Variants in TDRP observed in about 807,000 individuals in gnomAD.
TDRP encodes testis development related protein.
In TDRP, 12 loss-of-function variants were observed where a neutral mutation model predicts 10.5. The ratio of observed to expected loss-of-function variants is 1.15; its 90% CI spans 0.73 to 1.86. The LOEUF (loss-of-function observed/expected upper bound fraction) is 1.86, where lower values mean the gene tolerates loss of function less well. Among genes scored for constraint, TDRP ranks in the 40% most tolerant of loss-of-function variants. TDRP has a pLI of 0.00. For missense variants in TDRP, 353 were observed against 229.2 expected (o/e 1.54, Z -3.49); for synonymous variants, 139 against 95.4 (o/e 1.46, Z -2.67).
intron 1 of TDRP, among the ~76,000 whole-genome samples, chr8:506,649 A>C (rs1452518077): frequency 6.6e-6 from 1 of 152,158 alleles, no homozygotes; most frequent in African/African-American, 2.4e-5. Flanking sequence ...CCACTACGGC[A>C]AATGCTCAGT....
At position 490,600 on chromosome 8, in the gene TDRP, A is replaced by T. The variant is rs1242642275; in HGVS notation, c.*1799T>A. The T allele has an allele frequency of 6.6e-6, 1 of 152,254 alleles. No individual in the cohort carries two copies. Among genetic ancestry groups the T allele is most frequent in the Non-Finnish European group, 1.5e-5 (1 of 68,042 alleles). 9.4% of individuals were successfully genotyped at this position (152,254 alleles called of 1,614,324 possible). A position where few individuals can be genotyped will look rare whatever the true frequency, so the allele number is the denominator to read the frequency against. On this transcript the variant is annotated 3_prime_UTR_variant, in exon 3 of 3. Transcript: ENST00000324079. ...ACAAACCTACACTGACTTCCGCTGG[A>T]AAGTATTTGCAGAAGTCATGAAATG...
chr8:500,931 G>A (rs112095349), intron 1 of TDRP, among the ~76,000 whole-genome samples: 1 of 152,356 alleles, frequency 6.6e-6, no homozygotes, highest in East Asian at 1.9e-4. Context: ...AGCAGGCCGG[G>A]CGCGGTGTCT....
chr8:496,923 A>T (rs140744302), intron 1 of TDRP, among the ~76,000 whole-genome samples: 7 of 152,220 alleles, frequency 4.6e-5, no homozygotes, highest in Admixed American at 3.9e-4. Flanking sequence ...TTGCTGCCAC[A>T]TAAGATGTGC....
chr8:508,454 A>T (rs1801525334), intron 1 of TDRP, among the ~76,000 whole-genome samples: 1 of 152,232 alleles, frequency 6.6e-6, no homozygotes, highest in South Asian at 2.1e-4. Flanking sequence ...GGAAGGCAAA[A>T]GGCAAAGGCA....
At chr8:513,474 C>T (rs980917218) in intron 1 of TDRP, among the ~76,000 whole-genome samples, 7 of 152,082 alleles carry the variant, frequency 4.6e-5, no homozygotes, top group Non-Finnish European at 1.0e-4. Flanking sequence ...TAAAAACATT[C>T]AACAAAGTAG....
chr8:514,466 A>T (rs1052314984), intron 1 of TDRP, among the ~76,000 whole-genome samples: 1 of 152,140 alleles, frequency 6.6e-6, no homozygotes, highest in Admixed American at 6.6e-5. Context: ...CACCCACACA[A>T]CCACAAAACT....
At chr8:535,112 A>G (rs2116865879) in intron 1 of TDRP, among the ~76,000 whole-genome samples, 1 of 152,340 alleles carries the variant, frequency 6.6e-6, no homozygotes, top group South Asian at 2.1e-4. Flanking sequence ...CTTCCATCTG[A>G]AAGATTAGAA....
chr8:516,099 T>C (rs1036884367), intron 1 of TDRP, among the ~76,000 whole-genome samples: 2 of 152,086 alleles, frequency 1.3e-5, no homozygotes, highest in Non-Finnish European at 2.9e-5. Context: ...TGGCTGAACA[T>C]TAAAAAAATA....
At position 490,394 on chromosome 8, in the gene TDRP, T is replaced by C. The variant is rs188239159; in HGVS notation, c.*2005A>G. ...CTATTTTGCCAACTGTGCGTCACAA[T>C]TCTATGATTGACGTGAGTTGCAGGC... On this transcript the variant is annotated 3_prime_UTR_variant, in exon 3 of 3. Coordinates refer to ENST00000324079, the MANE Select transcript of TDRP (RefSeq NM_001384899.1). 6.6e-6 allele frequency: 1 copy of C among 152,318 alleles called. No homozygotes were observed. Among genetic ancestry groups the C allele is most frequent in the East Asian group, 1.9e-4 (1 of 5,186 alleles). The allele number at this position is 152,318 out of a possible 1,614,324, so 9.4% of individuals were successfully genotyped here. A position where few individuals can be genotyped will look rare whatever the true frequency, so the allele number is the denominator to read the frequency against.
intron 1 of TDRP, among the ~76,000 whole-genome samples, chr8:520,108 G>A (rs1334228869): frequency 6.6e-6 from 1 of 152,212 alleles, no homozygotes; most frequent in Non-Finnish European, 1.5e-5. Context: ...TGGTTGGGGA[G>A]AAAAGTGGAA....
chr8:515,035 A>C (rs1369503125), intron 1 of TDRP, among the ~76,000 whole-genome samples: 1 of 152,206 alleles, frequency 6.6e-6, no homozygotes, highest in Non-Finnish European at 1.5e-5. Context: ...ATATTCCATC[A>C]ATACTGGAGA....
intron 2 of TDRP, 144 bp downstream of exon 2, chr8:494,350 G>C: frequency 1.5e-6 from 1 of 670,276 alleles, no homozygotes; most frequent in Non-Finnish European, 2.6e-6. Flanking sequence ...GGGACAGACG[G>C]AGTGGGGAGG....
intron 1 of TDRP, among the ~76,000 whole-genome samples, chr8:539,819 T>C (rs1220093719): frequency 1.3e-5 from 2 of 152,198 alleles, no homozygotes; most frequent in Non-Finnish European, 2.9e-5. Flanking sequence ...CACAGTGTCA[T>C]AAAAGTGTGA....
chr8:491,550 A>G lies in TDRP; in HGVS notation c.*849T>C. The G allele has an allele frequency of 7.0e-7, 1 of 1,432,696 alleles. No individual in the cohort carries two copies. The allele number at this position is 1,432,696 out of a possible 1,614,324, so 88.7% of individuals were successfully genotyped here. A position where few individuals can be genotyped will look rare whatever the true frequency, so the allele number is the denominator to read the frequency against. On this transcript the variant is annotated 3_prime_UTR_variant, in exon 3 of 3. Coordinates refer to ENST00000324079, the MANE Select transcript of TDRP (RefSeq NM_001384899.1). Reference sequence around the variant, plus strand: ...CTCGCTTTGCAAGAACAAACATATGAGCCTAATAAAAAAGAGGCACTTCAG... The same window carrying G: ...CTCGCTTTGCAAGAACAAACATATGGGCCTAATAAAAAAGAGGCACTTCAG...
At chr8:544,589 C>T (rs1384197101) in intron 1 of TDRP, 61 bp downstream of exon 1, 2 of 1,134,206 alleles carry the variant, frequency 1.8e-6, no homozygotes, top group East Asian at 6.5e-5. Context: ...CGCCGCCCAC[C>T]CTCGCCCTCC....
Position 491,822 on chromosome 8 carries a change from T to A in TDRP, c.*577A>T. ...TTCCTCCCTCAGCAAAAGATGAACA[T>A]GCATTTTAAGATACATTTTACTCCC... On this transcript the variant is annotated 3_prime_UTR_variant, in exon 3 of 3. Coordinates refer to ENST00000324079, the MANE Select transcript of TDRP (RefSeq NM_001384899.1). 8.0e-7 allele frequency: 1 copy of A among 1,246,344 alleles called. No homozygotes were observed. The highest frequency in any genetic ancestry group is 1.0e-6 in the Non-Finnish European group (1 of 995,842). 77.2% of individuals were successfully genotyped at this position (1,246,344 alleles called of 1,614,324 possible).
chr8:511,905 T>A (rs78496184), intron 1 of TDRP, among the ~76,000 whole-genome samples: 4,766 of 152,124 alleles, frequency 0.031, 270 homozygotes, highest in African/African-American at 0.11. Flanking sequence ...AACATGGGAT[T>A]CAGTTAAAGC....
chr8:492,310 A>C lies in TDRP; in HGVS notation c.*89T>G. 1 of 1,379,812 alleles carries C rather than the reference A, an allele frequency of 7.2e-7. No individual in the cohort carries two copies. Among genetic ancestry groups the C allele is most frequent in the Non-Finnish European group, 9.4e-7 (1 of 1,063,766 alleles). The allele number at this position is 1,379,812 out of a possible 1,614,324, so 85.5% of individuals were successfully genotyped here. A position where few individuals can be genotyped will look rare whatever the true frequency, so the allele number is the denominator to read the frequency against. On this transcript the variant is annotated 3_prime_UTR_variant, in exon 3 of 3. Transcript: ENST00000324079. Reference sequence around the variant, plus strand: ...AATATAGGCAAAAAGTAGACTCTCTATTCTTTCTAACGCGGAAAAGACTCA... The same window carrying C: ...AATATAGGCAAAAAGTAGACTCTCTCTTCTTTCTAACGCGGAAAAGACTCA...
intron 1 of TDRP, among the ~76,000 whole-genome samples, chr8:531,320 G>A (rs555127649): frequency 1.3e-5 from 2 of 152,248 alleles, no homozygotes; most frequent in South Asian, 4.2e-4. Context: ...AACAAGGTCC[G>A]GGACTTTCCA....
Sources: gnomAD v4.1 joint callset for allele counts (sites outside exome capture counted in the v4.1 genomes callset) on GRCh38, gnomAD v4.1.1 for gene constraint, MANE v1.5 for transcripts, NCBI Gene and HGNC (gene_info 2026-07-23, HGNC 2026-07-21) for gene names.